The following CA10 variants were observed in gnomAD, a reference collection of about 807,000 sequenced individuals.
CA10 encodes the protein carbonic anhydrase 10 (inactive), also known as carbonic anhydrase-related protein 10.
A neutral mutation model predicts 44.2 loss-of-function variants in CA10; 14 were observed. That is an observed-to-expected ratio of 0.32 (90% CI 0.21 to 0.50). The LOEUF is 0.50. Ranked by LOEUF, CA10 falls within the 20% of genes least tolerant of loss-of-function variation. The probability of loss-of-function intolerance (pLI) is 0.99; values close to 1 mark genes in which losing one functional copy is unlikely to be tolerated. For synonymous variants in CA10, 159 were observed against 141.6 expected (o/e 1.12, Z -0.87); for missense variants, 350 against 409.7 (o/e 0.85, Z 1.26).
intron 4 of CA10, among the ~76,000 whole-genome samples, chr17:51,745,920 C>A (rs1265432066): frequency 6.6e-6 from 1 of 152,160 alleles, no homozygotes; most frequent in Non-Finnish European, 1.5e-5. Context: ...AAGAATTCAT[C>A]TAATTTTGAA....
chr17:52,123,668 A>T lies in CA10; in HGVS notation c.61+34058T>A, dbSNP rs375403861. On this transcript the variant is annotated intron_variant, in intron 1 of 8. Coordinates refer to ENST00000451037, the MANE Select transcript of CA10 (RefSeq NM_020178.5). ...AATTCATTAAGAAAATAACATTTCC[A>T]GAAGTTTTTCAAGATTATCTACTAG... is the stretch of plus-strand genomic sequence containing the variant. 5.3e-5 allele frequency among the ~76,000 whole-genome samples: 8 copies of T among 152,326 alleles called. No homozygotes were observed. In the South Asian group the frequency reaches 1.0e-3, roughly 20 times the overall value.
intron 4 of CA10, among the ~76,000 whole-genome samples, chr17:51,716,847 C>T (rs1567814799): frequency 6.6e-6 from 1 of 152,054 alleles, no homozygotes; most frequent in Non-Finnish European, 1.5e-5. Context: ...ACAGAAAGCC[C>T]AAGGTTGGTC....
intron 2 of CA10, among the ~76,000 whole-genome samples, chr17:52,031,175 G>A (rs1986455902): frequency 7.0e-6 from 1 of 142,444 alleles, no homozygotes; most frequent in South Asian, 2.3e-4. Context: ...TTTTTGAGAT[G>A]GAGTCTCACT....
intron 3 of CA10, among the ~76,000 whole-genome samples, chr17:51,870,427 C>A (rs1326305354): frequency 6.6e-6 from 1 of 152,174 alleles, no homozygotes; most frequent in African/African-American, 2.4e-5. Context: ...GTGCTGTCAT[C>A]AAAACACTGG....
In CA10 at chr17:51,805,397, C is replaced by G. The variant is rs117350876; in HGVS notation, c.280-57579G>C. On this transcript the variant is annotated intron_variant, in intron 3 of 8. Coordinates refer to ENST00000451037, the MANE Select transcript of CA10 (RefSeq NM_020178.5). ...AAATACTGAGTAAACAATTGAGTAACGAAGACAATTACAGTGCTGTGAAGG... is the reference window on the plus strand; with the variant it reads ...AAATACTGAGTAAACAATTGAGTAAGGAAGACAATTACAGTGCTGTGAAGG... Among the ~76,000 whole-genome samples, 12 of 152,160 alleles carry G rather than the reference C, an allele frequency of 7.9e-5. No individual in the cohort carries two copies. The East Asian group carries it at 2.1e-3, about 27-fold the overall frequency.
intron 3 of CA10, among the ~76,000 whole-genome samples, chr17:51,912,087 C>A (rs996964459): frequency 6.6e-6 from 1 of 152,084 alleles, no homozygotes; most frequent in African/African-American, 2.4e-5. Flanking sequence ...CCTATTTCAC[C>A]ATGTTATATG....
chr17:51,965,730 T>C (rs1176022980), intron 2 of CA10, among the ~76,000 whole-genome samples: 1 of 151,928 alleles, frequency 6.6e-6, no homozygotes, highest in Non-Finnish European at 1.5e-5. Flanking sequence ...GAGCCATCTA[T>C]CACAAACCCA....
At chr17:51,746,000 A>G (rs140744719) in intron 4 of CA10, among the ~76,000 whole-genome samples, 1 of 152,238 alleles carries the variant, frequency 6.6e-6, no homozygotes, top group Admixed American at 6.5e-5. Context: ...CTTTCATTAC[A>G]TTTCTTGTTG....
intron 4 of CA10, among the ~76,000 whole-genome samples, chr17:51,730,396 T>C (rs984762493): frequency 6.6e-6 from 1 of 152,228 alleles, no homozygotes; most frequent in African/African-American, 2.4e-5. Context: ...CTATTTTCCT[T>C]AGTTGGATTC....
chr17:51,998,931 A>T lies in CA10; in HGVS notation c.137-67799T>A, dbSNP rs142072004. 7.8e-3 allele frequency among the ~76,000 whole-genome samples: 1,179 copies of T among 152,102 alleles called. 10 individuals carry two copies. The highest frequency in any genetic ancestry group is 0.027 in the African/African-American group (1,114 of 41,526). On this transcript the variant is annotated intron_variant, in intron 2 of 8. Coordinates refer to ENST00000451037, the MANE Select transcript of CA10 (RefSeq NM_020178.5). The stretch of plus-strand genomic sequence containing the variant: ...AAACTGGAGCTAAAGCCAGGTTCCA[A>T]ATTAGTCTCGTGAAATTGTAACTGA...
Position 51,634,412 on chromosome 17 carries a change from A to G in CA10, c.790-762T>C, listed in dbSNP as rs545580509. On this transcript the variant is annotated intron_variant, in intron 7 of 8. Transcript: ENST00000451037. ...ACTTCAAATTGTTCAAATGGTGGTC[A>G]GGTGGGAACACATATCCCGTCAAGG... Among the ~76,000 whole-genome samples, 213 of 152,342 alleles carry G rather than the reference A, an allele frequency of 1.4e-3. 2 individuals are homozygous for G. The highest frequency in any genetic ancestry group is 3.4e-3 in the Middle Eastern group (1 of 294).
intron 1 of CA10, among the ~76,000 whole-genome samples, chr17:52,073,041 G>T (rs1987726996): frequency 6.6e-6 from 1 of 151,982 alleles, no homozygotes; most frequent in African/African-American, 2.4e-5. Flanking sequence ...AAGTGAATTG[G>T]GGCAATGCCA....
At chr17:52,086,100 T>C (rs1988110449) in intron 1 of CA10, among the ~76,000 whole-genome samples, 1 of 152,228 alleles carries the variant, frequency 6.6e-6, no homozygotes, top group African/African-American at 2.4e-5. Flanking sequence ...TGCATACTCA[T>C]TCTAGGTCTT....
intron 3 of CA10, among the ~76,000 whole-genome samples, chr17:51,886,891 A>T (rs1352959785): frequency 1.3e-5 from 2 of 152,054 alleles, no homozygotes; most frequent in African/African-American, 2.4e-5. Context: ...TAGAACCTGG[A>T]CTTATGCCAT....
intron 3 of CA10, among the ~76,000 whole-genome samples, chr17:51,930,266 C>T (rs1198799787): frequency 6.6e-6 from 1 of 152,072 alleles, no homozygotes; most frequent in African/African-American, 2.4e-5. Context: ...CAATTTTCTG[C>T]ATGTGCATTT....
At chr17:52,064,541 C>T (rs1210989896) in intron 2 of CA10, among the ~76,000 whole-genome samples, 1 of 147,990 alleles carries the variant, frequency 6.8e-6, no homozygotes, top group Non-Finnish European at 1.5e-5. Context: ...GAAGAGCTTA[C>T]ACTCCTTACC....
At chr17:51,670,368 G>A (rs1716259138) in intron 4 of CA10, among the ~76,000 whole-genome samples, 1 of 152,168 alleles carries the variant, frequency 6.6e-6, no homozygotes, top group Admixed American at 6.5e-5. Context: ...TGGGGGAGGT[G>A]AAATAACTTG....
At chr17:51,901,699 G>A (rs1390601100) in intron 3 of CA10, among the ~76,000 whole-genome samples, 1 of 152,088 alleles carries the variant, frequency 6.6e-6, no homozygotes, top group East Asian at 1.9e-4. Context: ...GTGACAGAGT[G>A]AGACTCCATC....
intron 2 of CA10, among the ~76,000 whole-genome samples, chr17:52,054,161 TAGG>T (rs1351046387): frequency 6.6e-6 from 1 of 152,096 alleles, no homozygotes; most frequent in Middle Eastern, 3.2e-3. Flanking sequence ...CAAAAGCAAA[TAGG>T]AGAAATATCG....
Sources: allele counts gnomAD v4.1 joint callset (sites outside exome capture counted in the v4.1 genomes callset), GRCh38; gene constraint gnomAD v4.1.1; transcripts MANE v1.5; gene names NCBI Gene and HGNC (gene_info 2026-07-23, HGNC 2026-07-21).